GRIN2A: variants seen among roughly 807,000 people sequenced by gnomAD.
The protein encoded by GRIN2A is glutamate ionotropic receptor NMDA type subunit 2A.
Under a neutral mutation model 113.4 loss-of-function variants are expected in GRIN2A, and 22 were observed. The ratio of observed to expected loss-of-function variants is 0.19; its 90% confidence interval spans 0.14 to 0.28. GRIN2A has a LOEUF of 0.28. Among genes scored for constraint, GRIN2A ranks in the 10% least tolerant of loss-of-function variants. The pLI is 1.00. For synonymous variants in GRIN2A, 827 were observed against 738.4 expected (o/e 1.12, Z -1.94); for missense variants, 1,502 against 1,887.0 (o/e 0.80, Z 3.78).
At chr16:9,952,994 C>T (rs555101139) in intron 2 of GRIN2A, among the ~76,000 whole-genome samples, 1 of 152,136 alleles carries the variant, frequency 6.6e-6, no homozygotes, top group African/African-American at 2.4e-5. Context: ...TTTTTAGCAG[C>T]GGTGTGACAT....
intron 2 of GRIN2A, among the ~76,000 whole-genome samples, chr16:9,992,381 C>G (rs771299994): frequency 1.3e-5 from 2 of 152,176 alleles, no homozygotes; most frequent in Non-Finnish European, 2.9e-5. Flanking sequence ...AAGACAGATT[C>G]TATTTGCTCA....
chr16:9,792,105 G>GTGTGTGTGTC (rs3831728), intron 11 of GRIN2A, among the ~76,000 whole-genome samples: 4,226 of 151,134 alleles, frequency 0.028, 110 homozygotes, highest in African/African-American at 0.069. Flanking sequence ...GTGTGTGTGT[G>GTGTGTGTGTC]TGTATCTTTC....
intron 2 of GRIN2A, among the ~76,000 whole-genome samples, chr16:10,177,912 C>T (rs1170050336): frequency 6.6e-5 from 10 of 152,174 alleles, no homozygotes. Context: ...CACATGACAG[C>T]CTGAGCCACA....
At chr16:9,815,609 T>C (rs1004754871) in intron 10 of GRIN2A, among the ~76,000 whole-genome samples, 21 of 152,138 alleles carry the variant, frequency 1.4e-4, no homozygotes, top group African/African-American at 4.1e-4. Flanking sequence ...TGGCTACTAT[T>C]AGAAAAACAG....
chr16:9,924,487 T>C (rs2044418518), intron 3 of GRIN2A, among the ~76,000 whole-genome samples: 1 of 152,222 alleles, frequency 6.6e-6, no homozygotes, highest in African/African-American at 2.4e-5. Context: ...TATATCTTTT[T>C]AGCTGATATA....
At chr16:9,849,623 G>T in intron 5 of GRIN2A, 133 bp downstream of exon 5, 2 of 758,570 alleles carry the variant, frequency 2.6e-6, no homozygotes, top group Non-Finnish European at 4.7e-6. Flanking sequence ...ATTGATTATT[G>T]TATTATACCT....
chr16:9,881,937 C>T (rs1187770302), intron 4 of GRIN2A, among the ~76,000 whole-genome samples: 1 of 152,174 alleles, frequency 6.6e-6, no homozygotes, highest in Non-Finnish European at 1.5e-5. Context: ...ATTTCTTTTA[C>T]ACAATCTTCA....
intron 2 of GRIN2A, chr16:10,121,566 G>C (rs1329905339): frequency 1.3e-5 from 2 of 152,110 alleles, no homozygotes; most frequent in Non-Finnish European, 2.9e-5. Flanking sequence ...AAAGGCATGA[G>C]CTCATCATCT....
intron 2 of GRIN2A, among the ~76,000 whole-genome samples, chr16:10,178,334 T>C (rs915675108): frequency 2.6e-5 from 4 of 152,318 alleles, no homozygotes; most frequent in Admixed American, 2.0e-4. Flanking sequence ...ATCATTAAAG[T>C]ATGGGCTTGA....
chr16:10,075,635 C>G (rs2047857086), intron 2 of GRIN2A, among the ~76,000 whole-genome samples: 1 of 152,132 alleles, frequency 6.6e-6, no homozygotes, highest in South Asian at 2.1e-4. Flanking sequence ...ACCAGTCCAT[C>G]AAAATGAGTG....
intron 2 of GRIN2A, among the ~76,000 whole-genome samples, chr16:9,984,832 T>G (rs971103649): frequency 2.0e-5 from 3 of 152,172 alleles, no homozygotes; most frequent in African/African-American, 7.2e-5. Context: ...TATCCATTAG[T>G]TTTTGGTTTT....
In GRIN2A at chr16:9,846,192, G is replaced by A. The variant is rs558239192; in HGVS notation, c.1328+3564C>T. Among the ~76,000 whole-genome samples the A allele has an allele frequency of 2.0e-3, 300 of 152,246 alleles. 3 individuals carry two copies. The highest frequency in any genetic ancestry group is 6.6e-3 in the African/African-American group (276 of 41,534). On this transcript the variant is annotated intron_variant, in intron 5 of 12. Transcript: ENST00000330684. ...ATGGGATGTACACTTGCCCTTCCTT[G>A]GTGGGCCCCACCTCTTCCTCATCTC...
In GRIN2A at chr16:9,778,462, A is replaced by G. The variant is rs73498504; in HGVS notation, c.2357-9373T>C. 2.3e-3 allele frequency among the ~76,000 whole-genome samples: 350 copies of G among 152,348 alleles called. 3 individuals are homozygous for G. Among genetic ancestry groups the G allele is most frequent in the African/African-American group, 7.7e-3 (319 of 41,574 alleles). Reference sequence around the variant, plus strand: ...AATAGTCCTCAAAATCTGATGACTTATCATGGGAAGGTTATGAGGACTTTT... The same window carrying G: ...AATAGTCCTCAAAATCTGATGACTTGTCATGGGAAGGTTATGAGGACTTTT... On this transcript the variant is annotated intron_variant, in intron 11 of 12. Transcript: ENST00000330684.
intron 2 of GRIN2A, among the ~76,000 whole-genome samples, chr16:10,101,019 G>A (rs577851009): frequency 1.3e-5 from 2 of 152,334 alleles, no homozygotes; most frequent in African/African-American, 4.8e-5. Context: ...AGAGCCCTCA[G>A]GATTCACTTC....
At chr16:10,022,048 C>G (rs2058317702) in intron 2 of GRIN2A, among the ~76,000 whole-genome samples, 1 of 152,100 alleles carries the variant, frequency 6.6e-6, no homozygotes, top group African/African-American at 2.4e-5. Flanking sequence ...CATGTCCCAC[C>G]TTGACACCTC....
intron 2 of GRIN2A, among the ~76,000 whole-genome samples, chr16:10,076,526 T>C (rs139489839): frequency 1.3e-5 from 2 of 152,260 alleles, no homozygotes; most frequent in Non-Finnish European, 2.9e-5. Flanking sequence ...CTAGGATCTG[T>C]ATGATGCTCC....
intron 2 of GRIN2A, among the ~76,000 whole-genome samples, chr16:9,955,045 G>A (rs543583518): frequency 6.6e-6 from 1 of 152,276 alleles, no homozygotes; most frequent in African/African-American, 2.4e-5. Context: ...TGAGTTTGGT[G>A]TCATCCCCAT....
At chr16:9,776,540 G>A (rs555459070) in intron 11 of GRIN2A, among the ~76,000 whole-genome samples, 3 of 152,216 alleles carry the variant, frequency 2.0e-5, no homozygotes, top group South Asian at 4.2e-4. Context: ...CCCAGGCAAA[G>A]GGGTGAGGAA....
At chr16:10,012,831 C>T (rs935878460) in intron 2 of GRIN2A, among the ~76,000 whole-genome samples, 2 of 152,222 alleles carry the variant, frequency 1.3e-5, no homozygotes, top group African/African-American at 4.8e-5. Context: ...TTGATTTTAG[C>T]TCCATGAGAC....
Sources: gnomAD v4.1 joint callset for allele counts (sites outside exome capture counted in the v4.1 genomes callset) on GRCh38, gnomAD v4.1.1 for gene constraint, MANE v1.5 for transcripts, NCBI Gene and HGNC (gene_info 2026-07-23, HGNC 2026-07-21) for gene names.